GABBR2: variants seen among roughly 807,000 people sequenced by gnomAD.
GABBR2 encodes the protein gamma-aminobutyric acid type B receptor subunit 2, also known as G-protein coupled receptor 51.
A neutral mutation model predicts 105.6 loss-of-function variants in GABBR2; 23 were observed. The observed-to-expected ratio is 0.22, with a 90% CI of 0.16 to 0.31. The LOEUF is 0.31. Among genes scored for constraint, GABBR2 ranks in the 10% least tolerant of loss-of-function variants. The pLI is 1.00. For synonymous variants in GABBR2, 478 were observed against 499.7 expected, an observed-to-expected ratio of 0.96 and a Z score of 0.58; for missense variants, 734 against 1,245.5, an observed-to-expected ratio of 0.59 and a Z score of 6.18.
rs1830944141 is a variant in GABBR2 at position 98,708,922 on chromosome 9, G to T, written c.-185C>A. 1 of 194,078 alleles carries T rather than the reference G, an allele frequency of 5.2e-6. No homozygotes were observed. 12.0% of individuals were successfully genotyped at this position (194,078 alleles called of 1,614,324 possible). ...CGGCGGCGGCGGCGGCAGCGGCGGC[G>T]CCCGTGACGGATCAATCACGCCGGG... On this transcript the variant is annotated 5_prime_UTR_variant, in exon 1 of 19. Transcript: ENST00000259455.
intron 1 of GABBR2, among the ~76,000 whole-genome samples, chr9:98,600,769 A>G (rs979631213): frequency 3.3e-5 from 5 of 152,224 alleles, no homozygotes; most frequent in Admixed American, 1.3e-4. Flanking sequence ...CGTACGTTCT[A>G]CTCACTGAGT....
chr9:98,601,004 G>C (rs559039124), intron 1 of GABBR2, among the ~76,000 whole-genome samples: 1 of 152,216 alleles, frequency 6.6e-6, no homozygotes, highest in South Asian at 2.1e-4. Flanking sequence ...GCTTTCCAAG[G>C]CTCAGCTCAC....
intron 1 of GABBR2, among the ~76,000 whole-genome samples, chr9:98,667,694 C>A (rs1830354074): frequency 6.6e-6 from 1 of 152,226 alleles, no homozygotes; most frequent in South Asian, 2.1e-4. Context: ...CTCTCCCTTA[C>A]AGGTACTGTT....
intron 6 of GABBR2, among the ~76,000 whole-genome samples, chr9:98,465,121 T>TAAA (rs57747633): frequency 9.1e-4 from 20 of 21,994 alleles, no homozygotes; most frequent in South Asian, 5.8e-3. Context: ...CAATAAATAC[T>TAAA]AAAAAAAAAA....
chr9:98,618,798 CTCCA>C (rs1829628747), intron 1 of GABBR2, among the ~76,000 whole-genome samples: 1 of 151,974 alleles, frequency 6.6e-6, no homozygotes, highest in Non-Finnish European at 1.5e-5. Context: ...GACAGAAAGA[CTCCA>C]GAAGAGACAG....
Position 98,304,987 on chromosome 9 carries a change from G to A in GABBR2, c.2229+1134C>T, listed in dbSNP as rs943467292. Among the ~76,000 whole-genome samples the A allele has an allele frequency of 2.8e-5, 3 of 106,466 alleles. No homozygotes were observed. In the Admixed American group the frequency reaches 3.1e-4, roughly 11 times the overall value. The allele number at this position is 106,466 out of a possible 152,430, so 69.8% of individuals were successfully genotyped here. On this transcript the variant is annotated intron_variant, in intron 15 of 18. Coordinates refer to ENST00000259455, the MANE Select transcript of GABBR2 (RefSeq NM_005458.8). ...AGGGTGTCACCATGTTGCTCAGGCT[G>A]GTCTTGAACTCCTAGCCTCAAGTGA...
intron 11 of GABBR2, among the ~76,000 whole-genome samples, chr9:98,381,339 T>C (rs768447671): frequency 3.3e-5 from 5 of 152,166 alleles, no homozygotes; most frequent in South Asian, 2.1e-4. Flanking sequence ...CACTACACCA[T>C]AGGGGCCTGC....
At chr9:98,318,870 G>C (rs1167042741) in intron 13 of GABBR2, among the ~76,000 whole-genome samples, 4 of 151,070 alleles carry the variant, frequency 2.6e-5, no homozygotes, top group Non-Finnish European at 5.9e-5. Context: ...GGTGAGTGTA[G>C]GTGTGCATGT....
At chr9:98,462,621 C>A (rs1332258053) in intron 6 of GABBR2, among the ~76,000 whole-genome samples, 1 of 152,188 alleles carries the variant, frequency 6.6e-6, no homozygotes, top group Non-Finnish European at 1.5e-5. Context: ...TACACACCCA[C>A]TAGTTTGGCT....
intron 13 of GABBR2, among the ~76,000 whole-genome samples, chr9:98,358,790 A>T (rs1237269884): frequency 6.6e-6 from 1 of 152,092 alleles, no homozygotes; most frequent in Non-Finnish European, 1.5e-5. Context: ...GCCTGCCCTG[A>T]GAGGGACTGT....
intron 2 of GABBR2, among the ~76,000 whole-genome samples, chr9:98,572,436 G>A (rs991871004): frequency 5.3e-5 from 8 of 152,190 alleles, no homozygotes; most frequent in Non-Finnish European, 8.8e-5. Context: ...AAAAAGGGCC[G>A]CCAGAGCTCC....
chr9:98,618,488 CT>C (rs1829620607), intron 1 of GABBR2, among the ~76,000 whole-genome samples: 1 of 12,022 alleles, frequency 8.3e-5, no homozygotes, highest in Non-Finnish European at 2.7e-4. Context: ...TCTGCTGCAT[CT>C]CTCTCTCTCT....
chr9:98,547,160 A>G lies in GABBR2; in HGVS notation c.460-5117T>C, dbSNP rs1828416605. Among the ~76,000 whole-genome samples the G allele has an allele frequency of 1.7e-5, 2 of 117,892 alleles. 1 individual carries two copies. Among genetic ancestry groups the G allele is most frequent in the Admixed American group, 1.9e-4 (2 of 10,304 alleles). The allele number at this position is 117,892 out of a possible 152,430, so 77.3% of individuals were successfully genotyped here. A position where few individuals can be genotyped will look rare whatever the true frequency, so the allele number is the denominator to read the frequency against. On this transcript the variant is annotated intron_variant, in intron 2 of 18. Coordinates refer to ENST00000259455, the MANE Select transcript of GABBR2 (RefSeq NM_005458.8). The stretch of plus-strand genomic sequence containing the variant: ...TTTTTCCCCTTATTCCTGGAATTCA[A>G]AAAAATCGCACTCTTGATTTTATTT...
At chr9:98,618,486 ATCTCTCTCTCTCTCTCTCTCTC>A (rs10611275) in intron 1 of GABBR2, among the ~76,000 whole-genome samples, 1 of 145,182 alleles carries the variant, frequency 6.9e-6, no homozygotes, top group South Asian at 2.3e-4. Context: ...GGTCTGCTGC[ATCTCTCTCTCTCTCTCTCTCTC>A]TCTCTCTCTC....
chr9:98,350,601 T>C (rs1336429620), intron 13 of GABBR2, among the ~76,000 whole-genome samples: 1 of 139,836 alleles, frequency 7.2e-6, no homozygotes, highest in Non-Finnish European at 1.6e-5. Context: ...ATTTGAGAGA[T>C]GATTGATATG....
chr9:98,626,002 G>A (rs1435079085), intron 1 of GABBR2, among the ~76,000 whole-genome samples: 1 of 152,206 alleles, frequency 6.6e-6, no homozygotes, highest in African/African-American at 2.4e-5. Context: ...GCTCAGGAAT[G>A]TGCATAGGGA....
At chr9:98,440,151 C>T (rs1826004599) in intron 7 of GABBR2, among the ~76,000 whole-genome samples, 1 of 152,206 alleles carries the variant, frequency 6.6e-6, no homozygotes, top group Admixed American at 6.5e-5. Flanking sequence ...ATCACAGCTC[C>T]AGAGCTACCA....
At chr9:98,606,227 T>A (rs573078772) in intron 1 of GABBR2, among the ~76,000 whole-genome samples, 2 of 152,336 alleles carry the variant, frequency 1.3e-5, no homozygotes, top group African/African-American at 4.8e-5. Flanking sequence ...AGTGCCGCAG[T>A]AAACATACGT....
At chr9:98,613,081 C>A (rs774334513) in intron 1 of GABBR2, among the ~76,000 whole-genome samples, 11 of 152,102 alleles carry the variant, frequency 7.2e-5, no homozygotes, top group Non-Finnish European at 1.5e-4. Flanking sequence ...GCAAACATGG[C>A]CAGTTATTCA....
Sources: gnomAD v4.1 joint callset for allele counts (sites outside exome capture counted in the v4.1 genomes callset) on GRCh38, gnomAD v4.1.1 for gene constraint, MANE v1.5 for transcripts, NCBI Gene and HGNC (gene_info 2026-07-23, HGNC 2026-07-21) for gene names.